Variants in GCLC observed in about 807,000 individuals in gnomAD.
GCLC encodes the protein glutamate--cysteine ligase catalytic subunit.
GCLC carries 30 observed loss-of-function variants against 81.5 expected under a neutral mutation model. The ratio of observed to expected loss-of-function variants is 0.37; its 90% CI spans 0.28 to 0.50. The LOEUF is 0.50. Ranked by LOEUF, GCLC falls within the 20% of genes least tolerant of loss-of-function variation. GCLC has a pLI of 0.96. For missense variants in GCLC, 556 were observed against 777.4 expected (o/e 0.72, Z 3.39); for synonymous variants, 262 against 273.3 (o/e 0.96, Z 0.41).
intron 1 of GCLC, among the ~76,000 whole-genome samples, chr6:53,541,772 T>C (rs1763360215): frequency 6.6e-6 from 1 of 152,212 alleles, no homozygotes; most frequent in South Asian, 2.1e-4. Context: ...GACAGAGTAT[T>C]TGGAACAAGA....
Position 53,544,599 on chromosome 6 carries a change from T to G in GCLC, c.47A>C (p.Lys16Thr), listed in dbSNP as rs1763415824. ...CCGCCGCACGTGGTCGGCATGGCGC[T>G]TGGTTTCCTCCCAGCTCAGCGGCGA... Reference protein sequence around the residue: ...QGSPLSWEETKRHADHVRRHG... With the variant: ...QGSPLSWEETTRHADHVRRHG... The change falls in exon 1 of 16, where the codon AAG (lysine) becomes ACG (threonine). Residue 16 changes from lysine to threonine, a missense_variant. Around this residue, in one of 3 missense-constraint regions of GCLC, gnomAD observed 234 missense variants for 303.8 expected, o/e 0.77. Transcript: ENST00000650454. The G allele has an allele frequency of 6.2e-7, 1 of 1,604,164 alleles. No homozygotes were observed. The highest frequency in any genetic ancestry group is 2.2e-5 in the East Asian group (1 of 44,810).
intron 4 of GCLC, among the ~76,000 whole-genome samples, chr6:53,515,641 C>T (rs1364549746): frequency 6.6e-6 from 1 of 152,260 alleles, no homozygotes; most frequent in South Asian, 2.1e-4. Flanking sequence ...GAACAACAAA[C>T]CAACAGAACT....
chr6:53,518,236 G>A (rs1762916253), intron 3 of GCLC, among the ~76,000 whole-genome samples: 1 of 151,936 alleles, frequency 6.6e-6, no homozygotes, highest in South Asian at 2.1e-4. Flanking sequence ...TTAAGATGCT[G>A]AATCTTTTTA....
At chr6:53,499,956 T>G (rs1764474286) in intron 15 of GCLC, 89 bp downstream of exon 15, 2 of 944,676 alleles carry the variant, frequency 2.1e-6, no homozygotes, top group Admixed American at 3.6e-5. Context: ...AATACAGCAT[T>G]ATTTTAAAAG....
intron 1 of GCLC, among the ~76,000 whole-genome samples, chr6:53,525,236 T>C (rs1242729634): frequency 6.6e-6 from 1 of 152,236 alleles, no homozygotes. Context: ...TTCAAACTTT[T>C]AGCTTTTTGT....
intron 11 of GCLC, 109 bp from the exon 12 acceptor site, chr6:53,505,605 C>T: frequency 2.6e-6 from 2 of 761,920 alleles, no homozygotes; most frequent in South Asian, 2.9e-5. Context: ...CTCCTAATTC[C>T]CCATCTGGGT....
chr6:53,508,267 C>A (rs1764656902), intron 8 of GCLC, among the ~76,000 whole-genome samples: 1 of 152,136 alleles, frequency 6.6e-6, no homozygotes, highest in South Asian at 2.1e-4. Context: ...TAACCTTTTA[C>A]ATGGAAAAAG....
At chr6:53,524,872 T>C (rs1359219082) in intron 1 of GCLC, among the ~76,000 whole-genome samples, 1 of 152,202 alleles carries the variant, frequency 6.6e-6, no homozygotes, top group South Asian at 2.1e-4. Flanking sequence ...AATTCACTCT[T>C]AGCCCACAAG....
chr6:53,535,335 C>T (rs1338490004), intron 1 of GCLC, among the ~76,000 whole-genome samples: 1 of 152,058 alleles, frequency 6.6e-6, no homozygotes, highest in East Asian at 1.9e-4. Flanking sequence ...GCCAACATGG[C>T]GAAACCTCAC....
chr6:53,506,170 G>A lies in GCLC; in HGVS notation c.1198-275C>T. The A allele has an allele frequency of 2.5e-6, 1 of 396,648 alleles. No individual in the cohort carries two copies. Among genetic ancestry groups the A allele is most frequent in the South Asian group, 2.2e-5 (1 of 45,090 alleles). 24.6% of individuals were successfully genotyped at this position (396,648 alleles called of 1,614,324 possible). A position where few individuals can be genotyped will look rare whatever the true frequency, so the allele number is the denominator to read the frequency against. On this transcript the variant is annotated intron_variant, in intron 10 of 15. Coordinates refer to ENST00000650454, the MANE Select transcript of GCLC (RefSeq NM_001498.4). The surrounding 1 kb of genome is among the most constrained non-coding windows in gnomAD (Gnocchi z 4.0). ...ATCTCCCAGCTACAGAGCAGCATCT[G>A]AAGAGCCACGGGGCCCCCACCTTCA...
chr6:53,519,808 T>G (rs1050207704), intron 3 of GCLC, among the ~76,000 whole-genome samples: 2 of 152,140 alleles, frequency 1.3e-5, no homozygotes, highest in African/African-American at 4.8e-5. Flanking sequence ...TAGAGATGCT[T>G]CTATAAATGT....
Position 53,520,794 on chromosome 6 carries a change from T to C in GCLC, c.430A>G (p.Ile144Val), listed in dbSNP as rs748217037. 6 of 1,614,062 alleles carry C rather than the reference T, an allele frequency of 3.7e-6. No individual in the cohort carries two copies. In the East Asian group the frequency reaches 8.9e-5, roughly 24 times the overall value. Residue 144 changes from isoleucine (I) to valine (V), a missense_variant, in exon 3 of 16, where the codon ATA (isoleucine) becomes GTA (valine). By Grantham distance (29) the Ile-to-Val change is conservative. Around this residue, in one of 3 missense-constraint regions of GCLC, gnomAD observed 234 missense variants for 303.8 expected, o/e 0.77. Transcript: ENST00000650454. Reference sequence around the variant, plus strand: ...GGAACTAACCTGGGAAATGAAGTTATTGTGCAAAGAGCCTGATTTTCTTCT... The same window carrying C: ...GGAACTAACCTGGGAAATGAAGTTACTGTGCAAAGAGCCTGATTTTCTTCT... ...ILEENQALCT[I>V]TSFPRLGCPG...
In GCLC at chr6:53,505,403, G is replaced by A. The variant is rs17883718; in HGVS notation, c.1384C>T (p.Pro462Ser). 3,060 of 1,509,780 alleles carry A rather than the reference G, an allele frequency of 2.0e-3. 58 individuals carry two copies. In the African/African-American group the frequency reaches 0.036, roughly 18 times the overall value. The allele number at this position is 1,509,780 out of a possible 1,614,324, so 93.5% of individuals were successfully genotyped here. A position where few individuals can be genotyped will look rare whatever the true frequency, so the allele number is the denominator to read the frequency against. Residue 462 changes from proline (P) to serine (S), a missense_variant, in exon 12 of 16, where the codon CCA becomes TCA. Physicochemically the swap from Pro to Ser is moderately conservative, Grantham distance 74. Around this residue, in one of 3 missense-constraint regions of GCLC, gnomAD observed 313 missense variants for 437.3 expected, o/e 0.72. Coordinates refer to ENST00000650454, the MANE Select transcript of GCLC (RefSeq NM_001498.4). ...ILSYKLDFLIPLSKVDENMKV... is the reference protein window; with the variant it reads ...ILSYKLDFLISLSKVDENMKV... ...AAACATATCCTTACCTTTGACAGTG[G>A]AATGAGAAAATCCAATTTGTAGGAA...
chr6:53,538,008 T>C (rs986392668), intron 1 of GCLC, among the ~76,000 whole-genome samples: 8 of 152,136 alleles, frequency 5.3e-5, no homozygotes, highest in African/African-American at 7.2e-5. Context: ...CCCAAAGCTA[T>C]AGAGAACCTT....
intron 3 of GCLC, among the ~76,000 whole-genome samples, chr6:53,518,393 G>T (rs958349562): frequency 6.6e-6 from 1 of 152,156 alleles, no homozygotes; most frequent in African/African-American, 2.4e-5. Flanking sequence ...TGGGATTACA[G>T]GCGCATGCCA....
intron 12 of GCLC, among the ~76,000 whole-genome samples, chr6:53,502,776 C>A (rs1764537543): frequency 6.6e-6 from 1 of 152,122 alleles, no homozygotes. Context: ...AATTTGTTTT[C>A]ATTTTATTTT....
intron 12 of GCLC, 133 bp downstream of exon 12, chr6:53,505,259 G>T: frequency 1.5e-6 from 1 of 678,854 alleles, no homozygotes. Context: ...AAAGAATAGG[G>T]CTGATGGAGA....
chr6:53,517,805 C>T (rs1299066350), intron 3 of GCLC, among the ~76,000 whole-genome samples: 6 of 152,150 alleles, frequency 3.9e-5, no homozygotes, highest in Non-Finnish European at 5.9e-5. Context: ...CTATCCAAAC[C>T]GATGTGGTAG....
intron 2 of GCLC, 21 bp downstream of exon 2, chr6:53,522,394 A>C (rs1319241495): frequency 7.5e-7 from 1 of 1,340,212 alleles, no homozygotes; most frequent in Non-Finnish European, 1.1e-6. Context: ...AGAAACACTA[A>C]ATCAGCACAT....
Sources: gnomAD v4.1 joint callset for allele counts (sites outside exome capture counted in the v4.1 genomes callset) on GRCh38, gnomAD v4.1.1 for gene constraint, gnomAD v4.1.1 regional missense constraint, Gnocchi (gnomAD v3.1) non-coding constraint, MANE v1.5 for transcripts, NCBI Gene and HGNC (gene_info 2026-07-23, HGNC 2026-07-21) for gene names.